RBFOX1: variants seen among roughly 807,000 people sequenced by gnomAD.
RBFOX1 encodes the protein RNA binding protein fox-1 homolog 1.
In RBFOX1, 8 loss-of-function variants were observed where a neutral mutation model predicts 57.7. That is an observed-to-expected ratio of 0.14 (90% CI 0.08 to 0.25). The LOEUF (loss-of-function observed/expected upper bound fraction) is 0.25, where lower values mean the gene tolerates loss of function less well. RBFOX1 is among the 10% of genes least tolerant of loss of function. RBFOX1 has a pLI of 1.00. For missense variants in RBFOX1, 611 were observed against 548.5 expected (o/e 1.11, Z -1.14); for synonymous variants, 326 against 222.4 (o/e 1.47, Z -4.15).
In RBFOX1 at chr16:5,371,371, C is replaced by T. The variant is rs140547166; in HGVS notation, c.220-95845C>T. ...GTACACAGAGTGATGCCAGGGATGC[C>T]GGAGAAGACCCTGGGAGGATACAGG... On this transcript the variant is annotated intron_variant, in intron 1 of 2. Coordinates refer to the RBFOX1 transcript ENST00000585867. Among the ~76,000 whole-genome samples the T allele has an allele frequency of 3.4e-3, 523 of 152,240 alleles. 3 individuals are homozygous for T. Among genetic ancestry groups the T allele is most frequent in the African/African-American group, 0.012 (492 of 41,548 alleles).
At chr16:6,086,431 G>A (rs1471496300) in intron 1 of RBFOX1, among the ~76,000 whole-genome samples, 4 of 152,182 alleles carry the variant, frequency 2.6e-5, no homozygotes, top group African/African-American at 7.2e-5. Context: ...CAGAGCAGTC[G>A]GTGGTAAAGT....
intron 4 of RBFOX1, among the ~76,000 whole-genome samples, chr16:7,061,309 A>G (rs975341320): frequency 1.3e-5 from 2 of 152,192 alleles, no homozygotes; most frequent in African/African-American, 4.8e-5. Context: ...TTCCATACAG[A>G]GCTTGTATGT....
At chr16:5,833,732 G>C (rs2056362634) in intron 3 of RBFOX1, among the ~76,000 whole-genome samples, 1 of 152,196 alleles carries the variant, frequency 6.6e-6, no homozygotes, top group East Asian at 1.9e-4. Context: ...TCTCTTTTGA[G>C]AGAAAGAAGG....
intron 2 of RBFOX1, among the ~76,000 whole-genome samples, chr16:5,545,701 T>A (rs2045167442): frequency 6.6e-6 from 1 of 152,128 alleles, no homozygotes. Flanking sequence ...AGGAAATTAC[T>A]TTGATAAAAT....
intron 4 of RBFOX1, among the ~76,000 whole-genome samples, chr16:7,216,380 C>T (rs1385863152): frequency 3.3e-5 from 5 of 152,120 alleles, no homozygotes; most frequent in African/African-American, 9.7e-5. Context: ...CTAGACCGGG[C>T]GCAGTGGCTC....
chr16:5,828,981 G>C (rs995739362), intron 3 of RBFOX1, among the ~76,000 whole-genome samples: 1 of 152,184 alleles, frequency 6.6e-6, no homozygotes, highest in African/African-American at 2.4e-5. Context: ...TCTCCCACAG[G>C]CTGCAGTTGA....
At chr16:7,098,262 C>G (rs1280248051) in intron 4 of RBFOX1, among the ~76,000 whole-genome samples, 1 of 152,186 alleles carries the variant, frequency 6.6e-6, no homozygotes, top group Non-Finnish European at 1.5e-5. Context: ...CTCCGCCTTC[C>G]TGGTTCAAGC....
rs554755181 is a variant in RBFOX1 at position 5,377,653 on chromosome 16, C to T, written c.220-89563C>T. Among the ~76,000 whole-genome samples, 45 of 151,044 alleles carry T rather than the reference C, an allele frequency of 3.0e-4. 1 individual carries two copies. The highest frequency in any genetic ancestry group is 1.0e-3 in the African/African-American group (42 of 40,526). On this transcript the variant is annotated intron_variant, in intron 1 of 2. Transcript: ENST00000585867. ...GAACGAGAATGAGAATGAGAGAAGGCGGAGGCAGAGACGGAAGTTGAATGC... is the reference window on the plus strand; with the variant it reads ...GAACGAGAATGAGAATGAGAGAAGGTGGAGGCAGAGACGGAAGTTGAATGC...
intron 3 of RBFOX1, among the ~76,000 whole-genome samples, chr16:6,998,777 A>G (rs1405723392): frequency 1.3e-5 from 2 of 152,136 alleles, no homozygotes; most frequent in Non-Finnish European, 2.9e-5. Flanking sequence ...GCATTTTATT[A>G]CAGACTCCAG....
At chr16:7,363,902 T>C (rs1568426428) in intron 4 of RBFOX1, among the ~76,000 whole-genome samples, 1 of 152,108 alleles carries the variant, frequency 6.6e-6, no homozygotes, top group Non-Finnish European at 1.5e-5. Flanking sequence ...GGCTTCATTG[T>C]TGGCACTTCA....
intron 1 of RBFOX1, among the ~76,000 whole-genome samples, chr16:5,432,537 GTTTT>G (rs796803782): frequency 1.8e-5 from 2 of 109,480 alleles, no homozygotes; most frequent in African/African-American, 6.5e-5. Context: ...CAACTGGGGA[GTTTT>G]TTTTTTTTTG....
intron 4 of RBFOX1, among the ~76,000 whole-genome samples, chr16:7,418,225 T>A (rs1452962887): frequency 1.3e-5 from 2 of 152,166 alleles, no homozygotes. Flanking sequence ...CCCATACTGG[T>A]TAAAAAGTTA....
intron 4 of RBFOX1, among the ~76,000 whole-genome samples, chr16:7,285,220 C>T (rs1271007623): frequency 6.6e-6 from 1 of 151,222 alleles, no homozygotes; most frequent in Admixed American, 6.6e-5. Flanking sequence ...TCACATGCAG[C>T]TGTAAGGAAT....
At chr16:6,854,892 C>T (rs920603805) in intron 3 of RBFOX1, among the ~76,000 whole-genome samples, 1 of 151,888 alleles carries the variant, frequency 6.6e-6, no homozygotes, top group African/African-American at 2.4e-5. Context: ...CCGCGCCCAG[C>T]CGAGGTGAAT....
intron 2 of RBFOX1, among the ~76,000 whole-genome samples, chr16:6,425,726 C>G: frequency 6.6e-6 from 1 of 152,142 alleles, no homozygotes; most frequent in Non-Finnish European, 1.5e-5. Context: ...CACACACACA[C>G]ACGAACGTTT....
chr16:6,968,861 G>A lies in RBFOX1; in HGVS notation c.-15-83196G>A, dbSNP rs181201811. Among the ~76,000 whole-genome samples, 6 of 151,588 alleles carry A rather than the reference G, an allele frequency of 4.0e-5. No individual in the cohort carries two copies. The East Asian group carries it at 1.2e-3, about 29-fold the overall frequency. ...AAGAAAACCTGCAGGTCTTCTGGCA[G>A]CTGAAGGCTACTCTTGACTCTTGGC... On this transcript the variant is annotated intron_variant, in intron 3 of 15. Transcript: ENST00000550418.
At chr16:5,378,328 C>T (rs997196323) in intron 1 of RBFOX1, among the ~76,000 whole-genome samples, 1 of 151,506 alleles carries the variant, frequency 6.6e-6, no homozygotes, top group Non-Finnish European at 1.5e-5. Flanking sequence ...CTGCTGGCCA[C>T]CCAGTCGGAC....
intron 2 of RBFOX1, among the ~76,000 whole-genome samples, chr16:6,446,812 C>T (rs1193017357): frequency 1.3e-5 from 2 of 152,074 alleles, no homozygotes; most frequent in Non-Finnish European, 2.9e-5. Flanking sequence ...AGAGAGGTGT[C>T]CTGATGCAAT....
At chr16:6,218,693 T>C (rs2097352087) in intron 1 of RBFOX1, among the ~76,000 whole-genome samples, 1 of 152,190 alleles carries the variant, frequency 6.6e-6, no homozygotes, top group African/African-American at 2.4e-5. Context: ...ATATCATTGT[T>C]CTACATGGAA....
Sources: allele counts gnomAD v4.1 joint callset (sites outside exome capture counted in the v4.1 genomes callset), GRCh38; gene constraint gnomAD v4.1.1; transcripts MANE v1.5; gene names NCBI Gene and HGNC (gene_info 2026-07-23, HGNC 2026-07-21).